The following HERC4 variants were observed in gnomAD, a reference collection of about 807,000 sequenced individuals.
HERC4 encodes the protein probable E3 ubiquitin-protein ligase HERC4.
HERC4 carries 28 observed loss-of-function variants against 124.3 expected under a neutral mutation model. The ratio of observed to expected loss-of-function variants is 0.23; its 90% CI spans 0.17 to 0.31. HERC4 has a LOEUF of 0.31. HERC4 is among the 10% of genes least tolerant of loss of function. The probability of loss-of-function intolerance (pLI) is 1.00; values close to 1 mark genes in which losing one functional copy is unlikely to be tolerated. For missense variants in HERC4, 713 were observed against 1,229.3 expected (o/e 0.58, Z 6.28); for synonymous variants, 407 against 421.5 (o/e 0.97, Z 0.42).
At chr10:67,966,846 AAGAC>A (rs770658893) in intron 15 of HERC4, 44 bp from the exon 16 acceptor site, 38 of 1,446,480 alleles carry the variant, frequency 2.6e-5, no homozygotes, top group Middle Eastern at 4.9e-4. Flanking sequence ...ACCAGTACTC[AAGAC>A]AGACAAATTT....
At chr10:67,976,681 T>C (rs1358468437) in intron 15 of HERC4, among the ~76,000 whole-genome samples, 1 of 152,068 alleles carries the variant, frequency 6.6e-6, no homozygotes, top group Non-Finnish European at 1.5e-5. Flanking sequence ...ATCACCAACA[T>C]CACCCCTCTC....
chr10:67,990,118 C>G, intron 14 of HERC4, 93 bp downstream of exon 14: 1 of 960,112 alleles, frequency 1.0e-6, no homozygotes, highest in Non-Finnish European at 1.5e-6. Context: ...GTCAAATAAG[C>G]AGGGCAGCAG....
At chr10:68,019,361 T>C (rs1268605436) in intron 8 of HERC4, among the ~76,000 whole-genome samples, 1 of 152,078 alleles carries the variant, frequency 6.6e-6, no homozygotes, top group Non-Finnish European at 1.5e-5. Context: ...TAGAAGAAGT[T>C]ATTATGGTGT....
At position 68,044,411 on chromosome 10, in the gene HERC4, C is replaced by T; in HGVS notation, c.379G>A (p.Val127Ile). 2.5e-6 allele frequency: 4 copies of T among 1,611,788 alleles called. No individual in the cohort carries two copies. The highest frequency in any genetic ancestry group is 3.4e-6 in the Non-Finnish European group (4 of 1,179,360). ...TCTGGTCACCTTTGTTACCTGGGTA[C>T]TCTGATGCATTCCTCTGATCCTACC... is the stretch of plus-strand genomic sequence containing the variant. The part of the protein sequence containing the change: ...GLVGSEECIR[V>I]PRNIKSLSDI... Residue 127 changes from valine (V) to isoleucine (I), a missense_variant, in exon 4 of 25, where the codon GTA becomes ATA. Transcript: ENST00000373700.
chr10:67,955,891 T>G (rs2034113852), intron 17 of HERC4: 1 of 152,248 alleles, frequency 6.6e-6, no homozygotes, highest in Non-Finnish European at 1.5e-5. Flanking sequence ...ACTTTTACCA[T>G]TTAAAACTTT....
chr10:67,955,195 G>GCTAA, intron 17 of HERC4, 65 bp from the exon 18 acceptor site: 1 of 1,393,026 alleles, frequency 7.2e-7, no homozygotes. Flanking sequence ...ACTGAAACAA[G>GCTAA]CTAACCTCTA....
At chr10:68,002,755 C>T (rs1189140755) in intron 9 of HERC4, among the ~76,000 whole-genome samples, 2 of 151,892 alleles carry the variant, frequency 1.3e-5, no homozygotes, top group South Asian at 2.1e-4. Context: ...TCTGCCACCA[C>T]ACCCAGCTAA....
intron 3 of HERC4, among the ~76,000 whole-genome samples, chr10:68,050,980 T>C (rs2040265834): frequency 6.6e-6 from 1 of 152,038 alleles, no homozygotes; most frequent in Non-Finnish European, 1.5e-5. Flanking sequence ...TTATTTACTA[T>C]GTTCCAGGTA....
intron 19 of HERC4, among the ~76,000 whole-genome samples, chr10:67,952,470 G>A (rs1589164887): frequency 6.6e-6 from 1 of 152,044 alleles, no homozygotes; most frequent in South Asian, 2.1e-4. Flanking sequence ...TTTTAGTAGA[G>A]ACAGGGTTTC....
chr10:67,968,498 G>A (rs984721924), intron 15 of HERC4, among the ~76,000 whole-genome samples: 5 of 151,420 alleles, frequency 3.3e-5, no homozygotes, highest in Non-Finnish European at 1.5e-5. Context: ...ACAGCCTCCT[G>A]AGTAGCTGGG....
intron 15 of HERC4, 108 bp downstream of exon 15, chr10:67,988,555 C>T: frequency 1.4e-6 from 1 of 721,604 alleles, no homozygotes; most frequent in East Asian, 3.0e-5. Context: ...CTATAATATG[C>T]ATTGTTTTTG....
intron 3 of HERC4, among the ~76,000 whole-genome samples, chr10:68,053,280 A>G (rs2040403282): frequency 6.6e-6 from 1 of 151,698 alleles, no homozygotes; most frequent in Admixed American, 6.6e-5. Flanking sequence ...GTTTTAAAAC[A>G]TCTTATTTAA....
intron 3 of HERC4, among the ~76,000 whole-genome samples, chr10:68,071,006 A>G (rs1022409016): frequency 6.6e-6 from 1 of 152,186 alleles, no homozygotes; most frequent in Admixed American, 6.5e-5. Context: ...TTGTTCATGT[A>G]TACCTTAACT....
chr10:67,944,540 C>G (rs1007505836), intron 19 of HERC4, among the ~76,000 whole-genome samples: 2 of 152,160 alleles, frequency 1.3e-5, no homozygotes, highest in Non-Finnish European at 2.9e-5. Context: ...TCTTCAGTGC[C>G]CAGACACCAA....
intron 3 of HERC4, among the ~76,000 whole-genome samples, chr10:68,048,597 C>T (rs1280669691): frequency 1.3e-5 from 2 of 152,128 alleles, no homozygotes; most frequent in Non-Finnish European, 2.9e-5. Flanking sequence ...TGTCATTATA[C>T]ATCTGTTAAA....
intron 14 of HERC4, among the ~76,000 whole-genome samples, chr10:67,989,656 T>C (rs746891948): frequency 2.0e-5 from 3 of 151,866 alleles, no homozygotes; most frequent in Non-Finnish European, 4.4e-5. Flanking sequence ...GGCCAGGAAA[T>C]AGAGATAAAA....
At chr10:67,953,685 C>T (rs575360309) in intron 19 of HERC4, among the ~76,000 whole-genome samples, 16 of 152,272 alleles carry the variant, frequency 1.1e-4, no homozygotes, top group Non-Finnish European at 2.2e-4. Context: ...TGAATTATTA[C>T]CAGTGGACTA....
chr10:68,033,796 T>C (rs556547730), intron 6 of HERC4, among the ~76,000 whole-genome samples, 169 bp downstream of exon 6: 2 of 152,314 alleles, frequency 1.3e-5, no homozygotes, highest in Admixed American at 6.5e-5. Flanking sequence ...ATAAAGGATA[T>C]TTTGTATCTT....
chr10:67,935,031 T>A, intron 22 of HERC4, among the ~76,000 whole-genome samples: 1 of 152,122 alleles, frequency 6.6e-6, no homozygotes, highest in South Asian at 2.1e-4. Flanking sequence ...GGATACTGAT[T>A]TCGGTTTCCT....
Sources: allele counts gnomAD v4.1 joint callset (sites outside exome capture counted in the v4.1 genomes callset), GRCh38; gene constraint gnomAD v4.1.1; transcripts MANE v1.5; gene names NCBI Gene and HGNC (gene_info 2026-07-23, HGNC 2026-07-21).